Variants in GTF2E2 observed in about 807,000 individuals in gnomAD.
GTF2E2 encodes transcription initiation factor IIE subunit beta.
In GTF2E2, 21 loss-of-function variants were observed where a neutral mutation model predicts 40.5. The observed-to-expected ratio is 0.52, with a 90% CI of 0.37 to 0.75. GTF2E2 has a LOEUF of 0.75. Ranked by LOEUF, GTF2E2 falls within the 30% of genes least tolerant of loss-of-function variation. The pLI is 0.00. For synonymous variants in GTF2E2, 117 were observed against 121.6 expected (o/e 0.96, Z 0.25); for missense variants, 298 against 338.4 (o/e 0.88, Z 0.94).
chr8:30,645,729 G>A lies in GTF2E2; in HGVS notation c.166+7704C>T, dbSNP rs1253527413. On this transcript the variant is annotated intron_variant, in intron 2 of 7. Transcript: ENST00000355904. ...GGTTAAAACATTTCTAGTAGAAGGG[G>A]AAAAAAAAGTTAAACATGCACTGTT... is the stretch of plus-strand genomic sequence containing the variant. 4 of 911,764 alleles carry A rather than the reference G, an allele frequency of 4.4e-6. No homozygotes were observed. The African/African-American group carries it at 6.7e-5, about 15-fold the overall frequency. 56.5% of individuals were successfully genotyped at this position (911,764 alleles called of 1,614,324 possible). A position where few individuals can be genotyped will look rare whatever the true frequency, so the allele number is the denominator to read the frequency against.
rs1802470735 is a variant in GTF2E2, at chr8:30,657,032, G to T, written c.-5+941C>A. The T allele has an allele frequency of 2.0e-5, 3 of 152,132 alleles. No individual in the cohort carries two copies. In the South Asian group the frequency reaches 6.2e-4, roughly 31 times the overall value. The allele number at this position is 152,132 out of a possible 1,614,324, so 9.4% of individuals were successfully genotyped here. On this transcript the variant is annotated intron_variant, in intron 1 of 7. Coordinates refer to ENST00000355904, the MANE Select transcript of GTF2E2 (RefSeq NM_002095.6). Reference sequence around the variant, plus strand: ...CCTAACTCAAGTGCTCCTTACACCAGACCTGGAACGCTGGTAAAGGCCTTT... The same window carrying T: ...CCTAACTCAAGTGCTCCTTACACCATACCTGGAACGCTGGTAAAGGCCTTT...
chr8:30,614,123 AC>A (rs1800831188), intron 4 of GTF2E2, among the ~76,000 whole-genome samples: 1 of 152,236 alleles, frequency 6.6e-6, no homozygotes, highest in Non-Finnish European at 1.5e-5. Context: ...TGACTTCTTT[AC>A]AACTATTACA....
intron 2 of GTF2E2, among the ~76,000 whole-genome samples, chr8:30,651,284 T>C (rs1457475741): frequency 1.3e-5 from 2 of 151,670 alleles, no homozygotes; most frequent in South Asian, 2.1e-4. Context: ...AATCTTGACA[T>C]AGAAAATCCT....
chr8:30,657,685 T>G (rs1802487889), intron 1 of GTF2E2: 1 of 152,228 alleles, frequency 6.6e-6, no homozygotes, highest in Admixed American at 6.5e-5. Flanking sequence ...CACGGTTCGC[T>G]TGGCTACCGC....
intron 2 of GTF2E2, among the ~76,000 whole-genome samples, chr8:30,646,643 T>C (rs1050575058): frequency 6.6e-6 from 1 of 152,138 alleles, no homozygotes; most frequent in African/African-American, 2.4e-5. Context: ...TGAAAATAAC[T>C]AAGACTTTAA....
chr8:30,592,570 T>G (rs1330944036), intron 6 of GTF2E2, among the ~76,000 whole-genome samples: 1 of 152,180 alleles, frequency 6.6e-6, no homozygotes, highest in African/African-American at 2.4e-5. Flanking sequence ...GTCTCTGATA[T>G]CAAATGGTAT....
chr8:30,605,361 G>GAA (rs533593603), intron 6 of GTF2E2, among the ~76,000 whole-genome samples: 9 of 151,342 alleles, frequency 5.9e-5, no homozygotes, highest in Non-Finnish European at 1.2e-4. Flanking sequence ...GTTTAAAGTT[G>GAA]AAAAAAAATC....
intron 6 of GTF2E2, among the ~76,000 whole-genome samples, chr8:30,588,410 T>C (rs1828744421): frequency 6.6e-6 from 1 of 152,200 alleles, no homozygotes; most frequent in Non-Finnish European, 1.5e-5. Flanking sequence ...AAAGGAATTC[T>C]GTCATTTGCA....
intron 6 of GTF2E2, among the ~76,000 whole-genome samples, chr8:30,586,953 T>C (rs1828703271): frequency 6.6e-6 from 1 of 152,190 alleles, no homozygotes; most frequent in Admixed American, 6.5e-5. Context: ...AGGGCAATCA[T>C]TTTTTGGATT....
At chr8:30,651,890 A>G (rs1257072232) in intron 2 of GTF2E2, among the ~76,000 whole-genome samples, 2 of 152,236 alleles carry the variant, frequency 1.3e-5, no homozygotes, top group African/African-American at 2.4e-5. Context: ...AGTCAATGGA[A>G]CCAAACTAAG....
At chr8:30,632,262 A>G (rs1801459824) in intron 3 of GTF2E2, among the ~76,000 whole-genome samples, 1 of 152,222 alleles carries the variant, frequency 6.6e-6, no homozygotes, top group Non-Finnish European at 1.5e-5. Flanking sequence ...ATTCTTTTTC[A>G]GTCATATAAT....
chr8:30,580,713 C>T (rs951742765), intron 6 of GTF2E2, among the ~76,000 whole-genome samples: 9 of 152,176 alleles, frequency 5.9e-5, no homozygotes, highest in South Asian at 4.1e-4. Flanking sequence ...GGGCTAACAG[C>T]TTATTTCCTG....
At chr8:30,614,073 A>T (rs1800827881) in intron 4 of GTF2E2, among the ~76,000 whole-genome samples, 1 of 152,236 alleles carries the variant, frequency 6.6e-6, no homozygotes, top group Non-Finnish European at 1.5e-5. Context: ...AATACAAAAT[A>T]AGCATTAATC....
chr8:30,618,812 T>A (rs1373566956), intron 3 of GTF2E2, among the ~76,000 whole-genome samples: 1 of 152,210 alleles, frequency 6.6e-6, no homozygotes, highest in Admixed American at 6.5e-5. Context: ...AATAAATTCA[T>A]GCCATGGAAA....
chr8:30,593,108 C>G (rs28823303), intron 6 of GTF2E2, among the ~76,000 whole-genome samples: 5,907 of 152,268 alleles, frequency 0.039, 395 homozygotes, highest in African/African-American at 0.13. Flanking sequence ...GCAGGAGAAT[C>G]ACTTGAACCC....
intron 6 of GTF2E2, among the ~76,000 whole-genome samples, chr8:30,581,780 G>A (rs748005531): frequency 1.1e-4 from 17 of 152,110 alleles, no homozygotes; most frequent in Admixed American, 2.0e-4. Context: ...AGAGCAGGGA[G>A]CTCTATTTCC....
intron 6 of GTF2E2, among the ~76,000 whole-genome samples, chr8:30,589,912 C>G (rs1445038085): frequency 6.6e-6 from 1 of 152,226 alleles, no homozygotes; most frequent in East Asian, 1.9e-4. Flanking sequence ...ATGGGAGAAA[C>G]ACCATATTCT....
chr8:30,583,109 G>T (rs912684810), intron 6 of GTF2E2, among the ~76,000 whole-genome samples: 1 of 152,110 alleles, frequency 6.6e-6, no homozygotes. Context: ...CGAGGAGGGT[G>T]GATCATTCAA....
intron 6 of GTF2E2, among the ~76,000 whole-genome samples, chr8:30,598,602 C>CATGACATCTACTATGTAAATGTAAATAT (rs1829082290): frequency 6.6e-6 from 1 of 152,122 alleles, no homozygotes; most frequent in Non-Finnish European, 1.5e-5. Context: ...AATATTTAAA[C>CATGACATCTACTATGTAAATGTAAATAT]ATGACATCTA....
Sources: allele counts gnomAD v4.1 joint callset (sites outside exome capture counted in the v4.1 genomes callset), GRCh38; gene constraint gnomAD v4.1.1; transcripts MANE v1.5; gene names NCBI Gene and HGNC (gene_info 2026-07-23, HGNC 2026-07-21).